Variants in PRKN observed in about 807,000 individuals in gnomAD.
PRKN encodes E3 ubiquitin-protein ligase parkin.
PRKN carries 56 observed loss-of-function variants against 59.5 expected under a neutral mutation model. The observed-to-expected ratio is 0.94, with a 90% CI of 0.76 to 1.18. The LOEUF is 1.18. Among genes scored for constraint, PRKN ranks in the 50% most tolerant of loss-of-function variants. The pLI, the probability that PRKN is intolerant of heterozygous loss-of-function variation, is 0.00. For synonymous variants in PRKN, 250 were observed against 222.1 expected (o/e 1.13, Z -1.12); for missense variants, 657 against 596.4 (o/e 1.10, Z -1.06).
intron 7 of PRKN, among the ~76,000 whole-genome samples, chr6:161,618,948 A>G (rs1017278179): frequency 6.6e-6 from 1 of 152,152 alleles, no homozygotes; most frequent in Non-Finnish European, 1.5e-5. Flanking sequence ...ATTCATCTTC[A>G]TTCTTGAGTG....
chr6:162,343,317 C>T (rs375959153), intron 2 of PRKN, among the ~76,000 whole-genome samples: 16 of 152,218 alleles, frequency 1.1e-4, no homozygotes, highest in African/African-American at 2.2e-4. Context: ...AGGTTCTAGA[C>T]GCACCTCACA....
At chr6:161,718,363 G>A (rs1787076467) in intron 7 of PRKN, among the ~76,000 whole-genome samples, 1 of 137,660 alleles carries the variant, frequency 7.3e-6, no homozygotes, top group African/African-American at 3.5e-5. Context: ...ATATGACTCA[G>A]TTTCCCTACT....
chr6:161,640,172 C>T (rs1783686429), intron 7 of PRKN, among the ~76,000 whole-genome samples: 1 of 152,214 alleles, frequency 6.6e-6, no homozygotes, highest in African/African-American at 2.4e-5. Context: ...AAAAGCCTCA[C>T]TTTCCTCATT....
chr6:162,077,131 C>T (rs1009444718), intron 4 of PRKN, among the ~76,000 whole-genome samples: 1 of 152,120 alleles, frequency 6.6e-6, no homozygotes, highest in African/African-American at 2.4e-5. Context: ...AGGCTGGTGA[C>T]CCAACATCCA....
At chr6:162,589,574 C>T (rs1370783942) in intron 1 of PRKN, among the ~76,000 whole-genome samples, 2 of 149,176 alleles carry the variant, frequency 1.3e-5, no homozygotes, top group African/African-American at 4.9e-5. Flanking sequence ...TGTGTTTTTT[C>T]TGTGTTTCAG....
intron 7 of PRKN, among the ~76,000 whole-genome samples, chr6:161,624,910 C>T (rs1449237256): frequency 6.6e-6 from 1 of 152,116 alleles, no homozygotes; most frequent in African/African-American, 2.4e-5. Flanking sequence ...AGAAGCCTTG[C>T]CTTCTATTAA....
chr6:162,448,776 T>C (rs1257929748), intron 1 of PRKN, among the ~76,000 whole-genome samples: 1 of 151,960 alleles, frequency 6.6e-6, no homozygotes, highest in Middle Eastern at 3.4e-3. Context: ...TTTCCAGACT[T>C]GCCATCTCCC....
chr6:161,831,998 G>C (rs943672860), intron 6 of PRKN, among the ~76,000 whole-genome samples: 1 of 152,182 alleles, frequency 6.6e-6, no homozygotes, highest in Non-Finnish European at 1.5e-5. Context: ...CAACTGTCTG[G>C]CTGTCTTGTT....
intron 2 of PRKN, among the ~76,000 whole-genome samples, chr6:162,381,717 C>T (rs1415709033): frequency 8.5e-5 from 13 of 152,116 alleles, no homozygotes; most frequent in Admixed American, 1.3e-4. Context: ...TTTACCATTA[C>T]GCACTTTTTT....
At chr6:162,594,301 A>T (rs1283885699) in intron 1 of PRKN, among the ~76,000 whole-genome samples, 1 of 152,206 alleles carries the variant, frequency 6.6e-6, no homozygotes, top group African/African-American at 2.4e-5. Flanking sequence ...ATAATTACAA[A>T]AATGTAGTTT....
chr6:162,020,852 C>T (rs1783120191), intron 5 of PRKN, among the ~76,000 whole-genome samples: 2 of 151,802 alleles, frequency 1.3e-5, no homozygotes, highest in Admixed American at 6.6e-5. Flanking sequence ...TGCCTGTAAT[C>T]CCAGCACTTT....
At chr6:162,564,216 G>A (rs1198507336) in intron 1 of PRKN, among the ~76,000 whole-genome samples, 2 of 151,850 alleles carry the variant, frequency 1.3e-5, no homozygotes, top group East Asian at 3.9e-4. Context: ...GTGGTGGTGG[G>A]TGCCTGTAAT....
At chr6:162,012,129 C>T (rs1223061139) in intron 5 of PRKN, among the ~76,000 whole-genome samples, 1 of 152,068 alleles carries the variant, frequency 6.6e-6, no homozygotes, top group Admixed American at 6.6e-5. Flanking sequence ...GATGAGAAAT[C>T]GTTTAACCAT....
chr6:162,427,644 G>GTTTTTTTTTTTTTT (rs1219394770), intron 2 of PRKN, among the ~76,000 whole-genome samples: 4 of 144,208 alleles, frequency 2.8e-5, no homozygotes, highest in Non-Finnish European at 3.0e-5. Flanking sequence ...GTAAATAAAT[G>GTTTTTTTTTTTTTT]TTTTTTTTTC....
At chr6:161,823,318 A>G (rs984514689) in intron 6 of PRKN, among the ~76,000 whole-genome samples, 6 of 152,162 alleles carry the variant, frequency 3.9e-5, no homozygotes, top group African/African-American at 1.2e-4. Flanking sequence ...ATCATGAAAT[A>G]AATTCCATTC....
chr6:161,875,465 T>C (rs1409957784), intron 6 of PRKN, among the ~76,000 whole-genome samples: 1 of 152,024 alleles, frequency 6.6e-6, no homozygotes, highest in African/African-American at 2.4e-5. Context: ...AGTGCTGGGA[T>C]TACAGGCGTG....
At chr6:162,353,306 C>A (rs1275628128) in intron 2 of PRKN, among the ~76,000 whole-genome samples, 1 of 151,708 alleles carries the variant, frequency 6.6e-6, no homozygotes, top group Non-Finnish European at 1.5e-5. Flanking sequence ...ATAACCAAAT[C>A]TAATTTTTAT....
intron 1 of PRKN, among the ~76,000 whole-genome samples, chr6:162,508,602 C>T (rs966140955): frequency 6.6e-6 from 1 of 152,150 alleles, no homozygotes; most frequent in Non-Finnish European, 1.5e-5. Flanking sequence ...CAATGTCAGT[C>T]ACCTGCCATC....
At position 161,518,328 on chromosome 6, in the gene PRKN, C is replaced by T. The variant is rs1440605338; in HGVS notation, c.1083+30526G>A. On this transcript the variant is annotated intron_variant, in intron 9 of 11. Transcript: ENST00000366898. This position sits in a 1 kb window ranked among gnomAD's most constrained non-coding sequence, Gnocchi z 5.0. ...GAGGACTTCACAAAGCTGCCCACTG[C>T]CACTGAGCAAACAGAATGTCCTGTG... Among the ~76,000 whole-genome samples the T allele has an allele frequency of 1.3e-5, 2 of 152,222 alleles. No homozygotes were observed. The highest frequency in any genetic ancestry group is 2.9e-5 in the Non-Finnish European group (2 of 68,042).
Sources: gnomAD v4.1 joint callset for allele counts (sites outside exome capture counted in the v4.1 genomes callset) on GRCh38, gnomAD v4.1.1 for gene constraint, Gnocchi (gnomAD v3.1) non-coding constraint, MANE v1.5 for transcripts, NCBI Gene and HGNC (gene_info 2026-07-23, HGNC 2026-07-21) for gene names.